The following POU6F2 variants were observed in gnomAD, a reference collection of about 807,000 sequenced individuals.
POU6F2 encodes POU class 6 homeobox 2, also known as POU domain, class 6, transcription factor 2.
In POU6F2, 31 loss-of-function variants were observed where a neutral mutation model predicts 71.3. The observed-to-expected ratio is 0.43, with a 90% CI of 0.33 to 0.59. POU6F2 has a LOEUF of 0.59. Ranked by LOEUF, POU6F2 falls within the 20% of genes least tolerant of loss-of-function variation. The pLI, the probability that POU6F2 is intolerant of heterozygous loss-of-function variation, is 0.04. For synonymous variants in POU6F2, 347 were observed against 355.7 expected (o/e 0.98, Z 0.27); for missense variants, 783 against 856.8 (o/e 0.91, Z 1.07).
chr7:39,223,961 T>C (rs1215869669), intron 4 of POU6F2, among the ~76,000 whole-genome samples: 1 of 152,190 alleles, frequency 6.6e-6, no homozygotes, highest in African/African-American at 2.4e-5. Context: ...TTTGGTGTAT[T>C]TTGTGTTTAG....
chr7:39,087,159 AATTTATTT>A (rs35190834), intron 2 of POU6F2, among the ~76,000 whole-genome samples: 4,446 of 125,654 alleles, frequency 0.035, 87 homozygotes, highest in Non-Finnish European at 0.042. Flanking sequence ...TTAATTAATT[AATTTATTT>A]ATTTATTTAT....
intron 6 of POU6F2, among the ~76,000 whole-genome samples, chr7:39,418,939 G>GTATA (rs149279901): frequency 0.012 from 1,606 of 136,486 alleles, 23 homozygotes; most frequent in East Asian, 0.058. Flanking sequence ...GTATATATGT[G>GTATA]TATATATGTA....
chr7:39,176,540 G>A (rs1435154314), intron 2 of POU6F2, among the ~76,000 whole-genome samples: 3 of 152,126 alleles, frequency 2.0e-5, no homozygotes, highest in East Asian at 1.9e-4. Context: ...GGGGAGAAGC[G>A]TGTCTTTTCC....
intron 4 of POU6F2, among the ~76,000 whole-genome samples, chr7:39,299,594 A>C (rs181517254): frequency 3.9e-5 from 6 of 152,364 alleles, no homozygotes; most frequent in African/African-American, 1.4e-4. Context: ...AGTTGTTTCA[A>C]GTTTGATATG....
chr7:39,299,188 AT>A (rs1172996711), intron 4 of POU6F2, among the ~76,000 whole-genome samples: 2 of 152,184 alleles, frequency 1.3e-5, no homozygotes, highest in African/African-American at 2.4e-5. Context: ...TAAAACAAAA[AT>A]TAAAATTAAA....
At position 39,464,664 on chromosome 7, in the gene POU6F2, A is replaced by G. The variant is rs1396932289; in HGVS notation, c.2141A>G (p.Asp714Gly). The part of the protein sequence containing the change: ...ATAVPLEPLT[D>G]SLEENS ...GCAGTCCCTTTGGAGCCCTTAACAG[A>G]CTCTCTGGAAGAAAACTCCTAAAGA... The change falls in exon 10 of 10, where the codon GAC becomes GGC. Residue 714 changes from aspartate (D) to glycine (G), a missense_variant. Physicochemically the swap from Asp to Gly is moderately conservative, Grantham distance 94. Around this residue, in one of 2 missense-constraint regions of POU6F2, gnomAD observed 211 missense variants for 283.9 expected, o/e 0.74. Transcript: ENST00000518318. This position sits in a 1 kb window ranked among gnomAD's most constrained non-coding sequence, Gnocchi z 4.1. 1 of 1,604,784 alleles carries G rather than the reference A, an allele frequency of 6.2e-7. No individual in the cohort carries two copies. Among genetic ancestry groups the G allele is most frequent in the South Asian group, 1.1e-5 (1 of 89,102 alleles).
intron 4 of POU6F2, among the ~76,000 whole-genome samples, chr7:39,305,099 A>G (rs961140040): frequency 1.3e-5 from 2 of 152,244 alleles, no homozygotes; most frequent in African/African-American, 2.4e-5. Flanking sequence ...CTAAAAGCCA[A>G]TATGTAACTT....
intron 4 of POU6F2, among the ~76,000 whole-genome samples, chr7:39,298,629 A>T (rs1211111516): frequency 6.6e-6 from 1 of 152,220 alleles, no homozygotes; most frequent in Non-Finnish European, 1.5e-5. Flanking sequence ...CAGAAATACC[A>T]TTTTACCCAG....
At chr7:39,330,469 A>G (rs1785618947) in intron 4 of POU6F2, among the ~76,000 whole-genome samples, 1 of 152,126 alleles carries the variant, frequency 6.6e-6, no homozygotes, top group African/African-American at 2.4e-5. Flanking sequence ...TTCTCGTGAA[A>G]TCTTTCATGC....
chr7:39,315,617 C>T (rs910909830), intron 4 of POU6F2, among the ~76,000 whole-genome samples: 7 of 152,202 alleles, frequency 4.6e-5, no homozygotes, highest in Non-Finnish European at 1.0e-4. Context: ...AGCAGGGCAG[C>T]TCTGCTTTAA....
At position 39,085,942 on chromosome 7, in the gene POU6F2, A is replaced by G. The variant is rs968694769; in HGVS notation, c.188A>G (p.Lys63Arg). The G allele has an allele frequency of 1.9e-6, 3 of 1,613,624 alleles. No individual in the cohort carries two copies. The African/African-American group carries it at 4.0e-5, about 22-fold the overall frequency. Residue 63 changes from lysine to arginine, a missense_variant, in exon 2 of 10, where the codon AAG (lysine) becomes AGG (arginine). Lys to Arg is a conservative substitution (Grantham distance 26, BLOSUM62 2). Around this residue, in one of 2 missense-constraint regions of POU6F2, gnomAD observed 572 missense variants for 572.9 expected, o/e 1.00. Transcript: ENST00000518318. ...AATGCGGAGTTGAGAGGTGAGGACAAGGCTGCTACTTCAGACAGCGAGCTG... is the reference window on the plus strand; with the variant it reads ...AATGCGGAGTTGAGAGGTGAGGACAGGGCTGCTACTTCAGACAGCGAGCTG... ...EMNAELRGED[K>R]AATSDSELNE...
chr7:39,125,155 G>A (rs1489343074), intron 2 of POU6F2, among the ~76,000 whole-genome samples: 4 of 151,992 alleles, frequency 2.6e-5, no homozygotes, highest in African/African-American at 9.7e-5. Context: ...GTTTGCAAAT[G>A]AAACAATACG....
chr7:39,010,852 C>G (rs891829624), intron 1 of POU6F2, among the ~76,000 whole-genome samples: 1 of 151,300 alleles, frequency 6.6e-6, no homozygotes, highest in Non-Finnish European at 1.5e-5. Context: ...GATTCTTAAT[C>G]CTGAGTGCTA....
intron 4 of POU6F2, among the ~76,000 whole-genome samples, chr7:39,297,292 A>G (rs1784868482): frequency 1.3e-5 from 2 of 151,790 alleles, no homozygotes; most frequent in South Asian, 2.1e-4. Flanking sequence ...GCATTCCTGT[A>G]TGAAGTCTGA....
At chr7:39,119,559 A>C (rs568333454) in intron 2 of POU6F2, among the ~76,000 whole-genome samples, 1 of 152,234 alleles carries the variant, frequency 6.6e-6, no homozygotes, top group Admixed American at 6.5e-5. Flanking sequence ...AGAAAGCTAT[A>C]AATAGTGGCT....
intron 1 of POU6F2, among the ~76,000 whole-genome samples, chr7:39,025,984 A>T (rs944755234): frequency 1.3e-5 from 2 of 152,240 alleles, no homozygotes; most frequent in African/African-American, 4.8e-5. Flanking sequence ...ATGCAGCCAA[A>T]AGACACATGA....
At chr7:39,439,202 A>G (rs1554283014) in intron 7 of POU6F2, among the ~76,000 whole-genome samples, 1 of 147,814 alleles carries the variant, frequency 6.8e-6, no homozygotes, top group African/African-American at 2.5e-5. Flanking sequence ...TTTGCTTTCC[A>G]TTTGCTTGGT....
At position 39,466,005 on chromosome 7, in the gene POU6F2, G is replaced by C. The variant is rs2052018; in HGVS notation, c.*1319G>C. 0.9 allele frequency: 137,577 copies of C among 152,308 alleles called. 62,202 individuals are homozygous for C. Among genetic ancestry groups the C allele is most frequent in the Admixed American group, 0.94 (14,366 of 15,300 alleles). The allele number at this position is 152,308 out of a possible 1,614,324, so 9.4% of individuals were successfully genotyped here. A position where few individuals can be genotyped will look rare whatever the true frequency, so the allele number is the denominator to read the frequency against. Reference sequence around the variant, plus strand: ...GCTAAAAAGAAAGTGATAGCAACTGGATCATTAAAGGCCATCGTGTATCCT... The same window carrying C: ...GCTAAAAAGAAAGTGATAGCAACTGCATCATTAAAGGCCATCGTGTATCCT... On this transcript the variant is annotated 3_prime_UTR_variant, in exon 10 of 10. Coordinates refer to ENST00000518318, the MANE Select transcript of POU6F2 (RefSeq NM_001370959.1).
At chr7:39,052,393 A>G (rs1003977731) in intron 1 of POU6F2, among the ~76,000 whole-genome samples, 5 of 152,146 alleles carry the variant, frequency 3.3e-5, no homozygotes, top group African/African-American at 4.8e-5. Flanking sequence ...ACAGCTCTGC[A>G]TGGCTGGAGA....
Sources: allele counts gnomAD v4.1 joint callset (sites outside exome capture counted in the v4.1 genomes callset), GRCh38; gene constraint gnomAD v4.1.1; regional missense constraint gnomAD v4.1.1; non-coding constraint Gnocchi (gnomAD v3.1); transcripts MANE v1.5; gene names NCBI Gene and HGNC (gene_info 2026-07-23, HGNC 2026-07-21).